CACNG3: variants seen among roughly 807,000 people sequenced by gnomAD.
CACNG3 encodes voltage-dependent calcium channel gamma-3 subunit.
In CACNG3, 3 loss-of-function variants were observed where a neutral mutation model predicts 28.5. The observed-to-expected ratio is 0.11, with a 90% CI of 0.05 to 0.27. The LOEUF is 0.27. Among genes scored for constraint, CACNG3 ranks in the 10% least tolerant of loss-of-function variants. The pLI, the probability that CACNG3 is intolerant of heterozygous loss-of-function variation, is 1.00. For missense variants in CACNG3, 236 were observed against 414.4 expected (o/e 0.57, Z 3.74); for synonymous variants, 174 against 162.2 (o/e 1.07, Z -0.55).
At position 24,354,783 on chromosome 16, in the gene CACNG3, C is replaced by A. The variant is rs147295211; in HGVS notation, c.296-50C>A. 1.9e-6 allele frequency: 3 copies of A among 1,593,828 alleles called. No homozygotes were observed. In the African/African-American group the frequency reaches 4.0e-5, roughly 21 times the overall value. Reference sequence around the variant, plus strand: ...ACTCCTGCGCTTGCAATGGGAGGACCCCAGGGGCTGGCTGGGCACAGGCAG... The same window carrying A: ...ACTCCTGCGCTTGCAATGGGAGGACACCAGGGGCTGGCTGGGCACAGGCAG... On this transcript the variant is annotated intron_variant, in intron 2 of 3. Coordinates refer to ENST00000005284, the MANE Select transcript of CACNG3 (RefSeq NM_006539.4).
intron 1 of CACNG3, among the ~76,000 whole-genome samples, chr16:24,267,543 C>T (rs1898629847): frequency 6.6e-6 from 1 of 152,168 alleles, no homozygotes; most frequent in South Asian, 2.1e-4. Flanking sequence ...CCACCGTGGC[C>T]TCCCAAAGTT....
chr16:24,269,789 A>G (rs1425896600), intron 1 of CACNG3, among the ~76,000 whole-genome samples: 1 of 149,654 alleles, frequency 6.7e-6, no homozygotes, highest in Non-Finnish European at 1.5e-5. Flanking sequence ...AAGAAAGAAA[A>G]AGAAAGAAAG....
At chr16:24,262,556 G>A (rs1596619294) in intron 1 of CACNG3, among the ~76,000 whole-genome samples, 1 of 152,234 alleles carries the variant, frequency 6.6e-6, no homozygotes, top group South Asian at 2.1e-4. Flanking sequence ...TACTGGGGCT[G>A]CTCAGATCCA....
chr16:24,282,054 G>A (rs1488527680), intron 1 of CACNG3, among the ~76,000 whole-genome samples: 1 of 152,148 alleles, frequency 6.6e-6, no homozygotes, highest in South Asian at 2.1e-4. Context: ...GTTAGGGTAG[G>A]GTTACCAGAT....
At chr16:24,296,152 C>T (rs1416532703) in intron 1 of CACNG3, among the ~76,000 whole-genome samples, 1 of 152,216 alleles carries the variant, frequency 6.6e-6, no homozygotes, top group Non-Finnish European at 1.5e-5. Context: ...CACAAGCTCA[C>T]AATTGTCATT....
chr16:24,331,022 GTCTC>G (rs142986299), intron 1 of CACNG3, among the ~76,000 whole-genome samples: 3 of 150,680 alleles, frequency 2.0e-5, no homozygotes, highest in African/African-American at 7.3e-5. Flanking sequence ...CATTCTCTCT[GTCTC>G]TCTCTCTCTC....
intron 1 of CACNG3, among the ~76,000 whole-genome samples, chr16:24,338,466 C>T (rs925903919): frequency 6.6e-6 from 1 of 152,158 alleles, no homozygotes; most frequent in African/African-American, 2.4e-5. Context: ...GCCTCAGCCT[C>T]CCGAGTAGCT....
At chr16:24,349,156 C>T (rs1251122804) in intron 2 of CACNG3, among the ~76,000 whole-genome samples, 4 of 152,202 alleles carry the variant, frequency 2.6e-5, no homozygotes, top group African/African-American at 7.2e-5. Flanking sequence ...CTCTGCCTGC[C>T]GGTCCCTTTC....
At chr16:24,343,963 C>A (rs1899823566) in intron 1 of CACNG3, among the ~76,000 whole-genome samples, 1 of 151,816 alleles carries the variant, frequency 6.6e-6, no homozygotes, top group Admixed American at 6.6e-5. Flanking sequence ...GTGGCAGGCG[C>A]CTTTAATCCC....
chr16:24,261,677 A>C (rs1898538966), intron 1 of CACNG3, among the ~76,000 whole-genome samples: 1 of 152,358 alleles, frequency 6.6e-6, no homozygotes, highest in South Asian at 2.1e-4. Flanking sequence ...CTTAGAAAAG[A>C]AAGCCCACTT....
chr16:24,275,623 CA>C (rs1335875130), intron 1 of CACNG3, among the ~76,000 whole-genome samples: 2 of 152,152 alleles, frequency 1.3e-5, no homozygotes, highest in African/African-American at 4.8e-5. Flanking sequence ...GGGTATTTGG[CA>C]GACATTTTCT....
At chr16:24,291,395 T>G (rs1180580281) in intron 1 of CACNG3, among the ~76,000 whole-genome samples, 2 of 152,192 alleles carry the variant, frequency 1.3e-5, no homozygotes, top group Non-Finnish European at 2.9e-5. Context: ...TTGAAGACTG[T>G]GCGGTCCAAC....
At chr16:24,355,181 G>A (rs1900013116) in intron 3 of CACNG3, among the ~76,000 whole-genome samples, 1 of 152,126 alleles carries the variant, frequency 6.6e-6, no homozygotes, top group Non-Finnish European at 1.5e-5. Context: ...AAACAGGGAG[G>A]AAACAGCATG....
intron 1 of CACNG3, among the ~76,000 whole-genome samples, chr16:24,307,948 GC>G (rs1181982482): frequency 6.6e-6 from 1 of 152,172 alleles, no homozygotes; most frequent in African/African-American, 2.4e-5. Flanking sequence ...CCCTCCAGCA[GC>G]CCAGGGCTTG....
intron 1 of CACNG3, among the ~76,000 whole-genome samples, chr16:24,321,657 T>C (rs1465079641): frequency 5.3e-5 from 8 of 152,260 alleles, no homozygotes; most frequent in Non-Finnish European, 1.2e-4. Flanking sequence ...GTGAAAGTTC[T>C]TGACTTACAA....
At position 24,258,526 on chromosome 16, in the gene CACNG3, T is replaced by C. The variant is rs187943109; in HGVS notation, c.211+1561T>C. 1.1e-4 allele frequency among the ~76,000 whole-genome samples: 17 copies of C among 152,366 alleles called. No homozygotes were observed. The East Asian group carries it at 3.3e-3, about 29-fold the overall frequency. On this transcript the variant is annotated intron_variant, in intron 1 of 3. Transcript: ENST00000005284. ...TTGAATTAACATTATCTAAAGCTTA[T>C]ACTGTATTCAATATACTGACAGAAA... is the stretch of plus-strand genomic sequence containing the variant.
intron 1 of CACNG3, among the ~76,000 whole-genome samples, chr16:24,284,882 GCA>G (rs1491021643): frequency 1.4e-5 from 2 of 141,884 alleles, no homozygotes; most frequent in African/African-American, 2.6e-5. Context: ...TTGGTTCTCA[GCA>G]AGTCATTGAT....
At chr16:24,269,670 C>A (rs1286555227) in intron 1 of CACNG3, among the ~76,000 whole-genome samples, 1 of 147,978 alleles carries the variant, frequency 6.8e-6, no homozygotes, top group Non-Finnish European at 1.5e-5. Flanking sequence ...TAGCTTAAAC[C>A]TGGGAGGTGG....
chr16:24,259,258 A>G (rs924851338), intron 1 of CACNG3, among the ~76,000 whole-genome samples: 3 of 152,250 alleles, frequency 2.0e-5, no homozygotes, highest in Non-Finnish European at 4.4e-5. Context: ...GGCTGCACCC[A>G]TGTAATTAAC....
Sources: gnomAD v4.1 joint callset for allele counts (sites outside exome capture counted in the v4.1 genomes callset) on GRCh38, gnomAD v4.1.1 for gene constraint, MANE v1.5 for transcripts, NCBI Gene and HGNC (gene_info 2026-07-23, HGNC 2026-07-21) for gene names.